The following FAM3C variants were observed in gnomAD, a reference collection of about 807,000 sequenced individuals.
FAM3C encodes FAM3 metabolism regulating signaling molecule C, also known as protein FAM3C.
Under a neutral mutation model 32.5 loss-of-function variants are expected in FAM3C, and 15 were observed. The observed-to-expected ratio is 0.46, with a 90% CI of 0.31 to 0.71. The LOEUF (loss-of-function observed/expected upper bound fraction) is 0.71, where lower values mean the gene tolerates loss of function less well. FAM3C is among the 30% of genes least tolerant of loss of function. The probability of loss-of-function intolerance (pLI) is 0.05; values close to 1 mark genes in which losing one functional copy is unlikely to be tolerated. For missense variants in FAM3C, 175 were observed against 274.4 expected (o/e 0.64, Z 2.56); for synonymous variants, 75 against 86.1 (o/e 0.87, Z 0.72).
chr7:121,377,700 A>G (rs1794266643), intron 3 of FAM3C, among the ~76,000 whole-genome samples: 1 of 152,244 alleles, frequency 6.6e-6, no homozygotes, highest in Non-Finnish European at 1.5e-5. Flanking sequence ...TAGTGCCATC[A>G]GATTATAGTA....
chr7:121,395,080 A>G (rs1314109896), intron 1 of FAM3C, among the ~76,000 whole-genome samples: 1 of 152,204 alleles, frequency 6.6e-6, no homozygotes, highest in Non-Finnish European at 1.5e-5. Context: ...TGTTGTGAGA[A>G]TAAATGAGCA....
intron 3 of FAM3C, among the ~76,000 whole-genome samples, chr7:121,375,805 T>C (rs1370034293): frequency 1.3e-5 from 2 of 152,204 alleles, no homozygotes; most frequent in East Asian, 3.9e-4. Context: ...TCCCACTGCC[T>C]CCCTTCTCCC....
intron 9 of FAM3C, 84 bp downstream of exon 9, chr7:121,351,059 T>C: frequency 3.1e-6 from 4 of 1,293,618 alleles, no homozygotes; most frequent in Non-Finnish European, 4.3e-6. Flanking sequence ...CTTTATCTAA[T>C]TTTCAAATAG....
intron 7 of FAM3C, 39 bp from the exon 8 acceptor site, chr7:121,360,166 C>A: frequency 9.8e-7 from 1 of 1,020,956 alleles, no homozygotes; most frequent in Non-Finnish European, 1.5e-6. Flanking sequence ...TAAAAAATGA[C>A]TGAATAAGCA....
At chr7:121,388,241 C>CACACAT (rs1794503334) in intron 1 of FAM3C, among the ~76,000 whole-genome samples, 1 of 150,040 alleles carries the variant, frequency 6.7e-6, no homozygotes, top group Non-Finnish European at 1.5e-5. Context: ...TTTTAACACA[C>CACACAT]ACACACACAC....
At chr7:121,371,542 T>C (rs1277287494) in intron 4 of FAM3C, 119 bp from the exon 5 acceptor site, 1 of 1,075,718 alleles carries the variant, frequency 9.3e-7, no homozygotes, top group Admixed American at 2.4e-5. Context: ...TACACGTATC[T>C]TAAAATACAA....
chr7:121,393,975 G>A (rs1311625470), intron 1 of FAM3C, among the ~76,000 whole-genome samples: 1 of 152,132 alleles, frequency 6.6e-6, no homozygotes, highest in Non-Finnish European at 1.5e-5. Context: ...CTAGCTCAGC[G>A]CTAACATAAA....
At chr7:121,353,023 G>A (rs938601367) in intron 8 of FAM3C, among the ~76,000 whole-genome samples, 1 of 152,168 alleles carries the variant, frequency 6.6e-6, no homozygotes, top group African/African-American at 2.4e-5. Context: ...CTGCAGAGAG[G>A]CTTTGGGGTT....
chr7:121,360,272 T>C, intron 7 of FAM3C, 145 bp from the exon 8 acceptor site: 1 of 566,682 alleles, frequency 1.8e-6, no homozygotes, highest in Non-Finnish European at 3.1e-6. Context: ...ACAAATCTCA[T>C]AAAGAGTTTA....
At chr7:121,388,210 C>T (rs1227536402) in intron 1 of FAM3C, among the ~76,000 whole-genome samples, 2 of 148,078 alleles carry the variant, frequency 1.4e-5, no homozygotes, top group African/African-American at 5.0e-5. Flanking sequence ...AGAAGGTACA[C>T]TCTTTTAAAA....
At chr7:121,358,413 G>A (rs1793853043) in intron 8 of FAM3C, among the ~76,000 whole-genome samples, 1 of 151,890 alleles carries the variant, frequency 6.6e-6, no homozygotes, top group Admixed American at 6.6e-5. Context: ...TTTTATCCTT[G>A]ATAAGTCATC....
intron 5 of FAM3C, among the ~76,000 whole-genome samples, chr7:121,370,305 G>T (rs1794120197): frequency 6.6e-6 from 1 of 152,068 alleles, no homozygotes; most frequent in Non-Finnish European, 1.5e-5. Context: ...GAAAAGTGTT[G>T]TCCCATGAAG....
At chr7:121,361,840 G>A (rs1466967076) in intron 7 of FAM3C, among the ~76,000 whole-genome samples, 2 of 151,990 alleles carry the variant, frequency 1.3e-5, no homozygotes, top group Admixed American at 6.6e-5. Context: ...CACCATGCCC[G>A]GCTAATTTTT....
chr7:121,375,085 G>A (rs1265150206), intron 3 of FAM3C, among the ~76,000 whole-genome samples: 1 of 151,614 alleles, frequency 6.6e-6, no homozygotes, highest in Non-Finnish European at 1.5e-5. Context: ...GACAGACACA[G>A]GAAAAAGAGG....
At position 121,371,304 on chromosome 7, in the gene FAM3C, T is replaced by C. The variant is rs772084430; in HGVS notation, c.268A>G (p.Asn90Asp). 3.1e-6 allele frequency: 5 copies of C among 1,612,806 alleles called. No homozygotes were observed. The Admixed American group carries it at 5.0e-5, about 16-fold the overall frequency. The change falls in exon 5 of 10, where the codon AAT becomes GAT. Residue 90 changes from asparagine (N) to aspartate (D), a missense_variant. Physicochemically the swap from Asn to Asp is conservative, Grantham distance 23. Transcript: ENST00000359943. ...VVGPKICLED[N>D]VLMSGVKNNV... Reference sequence around the variant, plus strand: ...CTCAAGTCAACAAAGACTTACACATTATCTTCCAGGCAGATTTTGGGTCCC... The same window carrying C: ...CTCAAGTCAACAAAGACTTACACATCATCTTCCAGGCAGATTTTGGGTCCC...
intron 6 of FAM3C, among the ~76,000 whole-genome samples, chr7:121,363,759 C>A (rs1291978605): frequency 6.6e-6 from 1 of 152,004 alleles, no homozygotes; most frequent in Non-Finnish European, 1.5e-5. Context: ...ACAATACATT[C>A]TTATTCTTTG....
In FAM3C at chr7:121,356,405, A is replaced by T. The variant is rs556173538; in HGVS notation, c.467+3638T>A. 1.8e-4 allele frequency among the ~76,000 whole-genome samples: 28 copies of T among 152,312 alleles called. No homozygotes were observed. In the East Asian group the frequency reaches 5.4e-3, roughly 29 times the overall value. On this transcript the variant is annotated intron_variant, in intron 8 of 9. Coordinates refer to ENST00000359943, the MANE Select transcript of FAM3C (RefSeq NM_014888.3). ...GGAAAAAGAGAAAACTAAAAGAAAA[A>T]TACCAATTAGCTTCAAATACCTGAA...
chr7:121,374,136 T>A (rs1195249147), intron 3 of FAM3C, among the ~76,000 whole-genome samples: 1 of 152,196 alleles, frequency 6.6e-6, no homozygotes, highest in Non-Finnish European at 1.5e-5. Context: ...CAATGCTGAA[T>A]AAGATTGGTG....
intron 7 of FAM3C, among the ~76,000 whole-genome samples, chr7:121,362,107 G>A (rs913830648): frequency 6.6e-6 from 1 of 152,164 alleles, no homozygotes; most frequent in African/African-American, 2.4e-5. Flanking sequence ...GGGAGGTGCA[G>A]GGGAGATCCT....
Sources: gnomAD v4.1 joint callset for allele counts (sites outside exome capture counted in the v4.1 genomes callset) on GRCh38, gnomAD v4.1.1 for gene constraint, MANE v1.5 for transcripts, NCBI Gene and HGNC (gene_info 2026-07-23, HGNC 2026-07-21) for gene names.